Variants in EML6 observed in about 807,000 individuals in gnomAD.
EML6 encodes the protein EMAP like 6, also known as echinoderm microtubule-associated protein-like 6.
A neutral mutation model predicts 240.1 loss-of-function variants in EML6; 154 were observed. The observed-to-expected ratio is 0.64, with a 90% CI of 0.56 to 0.73. EML6 has a LOEUF of 0.73. Ranked by LOEUF, EML6 falls within the 30% of genes least tolerant of loss-of-function variation. The pLI, the probability that EML6 is intolerant of heterozygous loss-of-function variation, is 0.00. For missense variants in EML6, 2,964 were observed against 2,474.6 expected, an observed-to-expected ratio of 1.20 and a Z score of -4.20; for synonymous variants, 1,148 against 899.0, an observed-to-expected ratio of 1.28 and a Z score of -4.95.
At position 54,859,647 on chromosome 2, in the gene EML6, T is replaced by C; in HGVS notation, c.1771T>C (p.Trp591Arg). The C allele has an allele frequency of 6.4e-7, 1 of 1,551,170 alleles. No homozygotes were observed. The highest frequency in any genetic ancestry group is 2.4e-5 in the East Asian group (1 of 40,910). ...AGGGGCTGATCACTCAGTTTTCCAG[T>C]GGAGGTTTATTCCAGAAGGTGTCAG... ...TGGADHSVFQWRFIPEGVSNG... is the reference protein window; with the variant it reads ...TGGADHSVFQRRFIPEGVSNG... Residue 591 changes from tryptophan (W) to arginine (R), a missense_variant, in exon 12 of 42, where the codon TGG (tryptophan) becomes CGG (arginine). Transcript: ENST00000356458.
intron 8 of EML6, 45 bp from the exon 9 acceptor site, chr2:54,847,441 T>C: frequency 6.5e-7 from 1 of 1,540,010 alleles, no homozygotes; most frequent in Non-Finnish European, 8.8e-7. Flanking sequence ...CCGATGACCA[T>C]GGGAAGTTGG....
At chr2:54,829,042 A>G (rs182675001) in intron 6 of EML6, among the ~76,000 whole-genome samples, 52 of 152,352 alleles carry the variant, frequency 3.4e-4, no homozygotes, top group Admixed American at 2.8e-3. Flanking sequence ...ATCACATAAA[A>G]TAATTTGATT....
At chr2:54,933,592 G>C (rs962417692) in intron 28 of EML6, among the ~76,000 whole-genome samples, 3 of 151,988 alleles carry the variant, frequency 2.0e-5, no homozygotes, top group African/African-American at 7.3e-5. Flanking sequence ...AAATTAGCCT[G>C]GTATGGTGGC....
intron 2 of EML6, 64 bp from the exon 3 acceptor site, chr2:54,813,168 G>A: frequency 8.6e-7 from 1 of 1,168,052 alleles, no homozygotes; most frequent in South Asian, 1.5e-5. Context: ...AAACAGATTT[G>A]GATAAAAGGT....
At chr2:54,781,939 G>C (rs932987346) in intron 2 of EML6, among the ~76,000 whole-genome samples, 1 of 152,146 alleles carries the variant, frequency 6.6e-6, no homozygotes, top group Non-Finnish European at 1.5e-5. Flanking sequence ...AAAGTGCTGG[G>C]ATCACAGGTG....
At chr2:54,909,300 C>G (rs933858510) in intron 24 of EML6, among the ~76,000 whole-genome samples, 1 of 152,174 alleles carries the variant, frequency 6.6e-6, no homozygotes. Flanking sequence ...TACTCATTTT[C>G]TTATAATTCT....
At chr2:54,769,922 T>C (rs1668339530) in intron 2 of EML6, among the ~76,000 whole-genome samples, 1 of 152,190 alleles carries the variant, frequency 6.6e-6, no homozygotes. Context: ...GGAAAGCCAC[T>C]ATAAATTTTA....
intron 40 of EML6, 81 bp from the exon 41 acceptor site, chr2:54,968,587 G>T: frequency 1.2e-6 from 1 of 827,826 alleles, no homozygotes; most frequent in Admixed American, 2.0e-5. Flanking sequence ...TGGGAGCAGG[G>T]GATTTGAGTG....
rs115331699 is a variant in EML6 at position 54,848,595 on chromosome 2, A to G, written c.1187+972A>G. ...TTTTATGACATTCTAGTACACCATA[A>G]TGCTATTAATAAATGATAGCAGGTA... On this transcript the variant is annotated intron_variant, in intron 9 of 41. Coordinates refer to ENST00000356458, the MANE Select transcript of EML6 (RefSeq NM_001039753.4). 6.1e-3 allele frequency among the ~76,000 whole-genome samples: 918 copies of G among 151,274 alleles called. 5 individuals are homozygous for G. The highest frequency in any genetic ancestry group is 0.011 in the Non-Finnish European group (749 of 67,844).
chr2:54,866,969 CCCTCCCCTCAGTGTCGTCCT>C, intron 14 of EML6, 85 bp downstream of exon 14: 1 of 730,078 alleles, frequency 1.4e-6, no homozygotes, highest in Non-Finnish European at 2.4e-6. Flanking sequence ...TTAAGGGATC[CCCTCCCCTCAGTGTCGTCCT>C]CCTCCTGGCT....
intron 12 of EML6, among the ~76,000 whole-genome samples, chr2:54,860,007 C>T (rs1670591242): frequency 6.6e-6 from 1 of 152,144 alleles, no homozygotes; most frequent in Non-Finnish European, 1.5e-5. Flanking sequence ...CACATTGATT[C>T]GCAGGTCCAT....
intron 32 of EML6, among the ~76,000 whole-genome samples, chr2:54,955,073 A>G (rs1676169078): frequency 6.6e-6 from 1 of 152,258 alleles, no homozygotes; most frequent in African/African-American, 2.4e-5. Context: ...GACAGCTTGC[A>G]GACATTTGTA....
chr2:54,876,578 T>A (rs1671518939), intron 16 of EML6, among the ~76,000 whole-genome samples: 1 of 152,240 alleles, frequency 6.6e-6, no homozygotes, highest in African/African-American at 2.4e-5. Context: ...GTATTTGTGC[T>A]TGCATTCCAA....
At chr2:54,922,767 G>C (rs368549141) in intron 26 of EML6, among the ~76,000 whole-genome samples, 6 of 152,180 alleles carry the variant, frequency 3.9e-5, no homozygotes, top group Non-Finnish European at 5.9e-5. Flanking sequence ...GAACCAGAAG[G>C]ACATGGTAAG....
intron 4 of EML6, among the ~76,000 whole-genome samples, chr2:54,817,538 A>G (rs941049832): frequency 2.0e-4 from 31 of 152,218 alleles, no homozygotes; most frequent in East Asian, 7.7e-4. Flanking sequence ...TCTGCACAAT[A>G]TAAGTGTTAA....
chr2:54,843,897 C>G (rs1342275674), intron 7 of EML6, 150 bp from the exon 8 acceptor site: 1 of 649,002 alleles, frequency 1.5e-6, no homozygotes, highest in African/African-American at 1.9e-5. Flanking sequence ...GATTCTCTGC[C>G]TCCAAGAGTC....
At chr2:54,843,661 G>T (rs373788764) in intron 7 of EML6, among the ~76,000 whole-genome samples, 1 of 152,030 alleles carries the variant, frequency 6.6e-6, no homozygotes, top group Non-Finnish European at 1.5e-5. Context: ...TGGCTAACAC[G>T]GTGAAACCCC....
chr2:54,843,992 GT>G, intron 7 of EML6, 54 bp from the exon 8 acceptor site: 1 of 1,087,932 alleles, frequency 9.2e-7, no homozygotes, highest in Non-Finnish European at 1.4e-6. Flanking sequence ...GTGTGTGTGT[GT>G]GTGTGTGTGT....
chr2:54,791,973 G>T (rs1669480264), intron 2 of EML6, among the ~76,000 whole-genome samples: 1 of 152,138 alleles, frequency 6.6e-6, no homozygotes, highest in South Asian at 2.1e-4. Flanking sequence ...ATCTCTTTCA[G>T]GCTTATTGTA....
Sources: allele counts gnomAD v4.1 joint callset (sites outside exome capture counted in the v4.1 genomes callset), GRCh38; gene constraint gnomAD v4.1.1; transcripts MANE v1.5; gene names NCBI Gene and HGNC (gene_info 2026-07-23, HGNC 2026-07-21).